COL5A2: variants seen among roughly 807,000 people sequenced by gnomAD.
The protein encoded by COL5A2 is collagen type V alpha 2 chain.
Under a neutral mutation model 208.2 loss-of-function variants are expected in COL5A2, and 23 were observed. The observed-to-expected ratio is 0.11, with a 90% CI of 0.08 to 0.16. The LOEUF is 0.16. Ranked by LOEUF, COL5A2 falls within the 10% of genes least tolerant of loss-of-function variation. COL5A2 has a pLI of 1.00. For synonymous variants in COL5A2, 625 were observed against 628.5 expected, an observed-to-expected ratio of 0.99 and a Z score of 0.08; for missense variants, 1,590 against 1,956.4, an observed-to-expected ratio of 0.81 and a Z score of 3.53.
At chr2:189,346,479 C>T in the COL5A2 span, among the ~76,000 whole-genome samples, 4 of 152,072 alleles carry the variant, frequency 2.6e-5, no homozygotes, top group East Asian at 1.9e-4. Context: ...CCATCAAAAT[C>T]GTCACATATA....
the COL5A2 span, among the ~76,000 whole-genome samples, chr2:189,352,231 T>C: frequency 6.6e-6 from 1 of 152,174 alleles, no homozygotes; most frequent in Non-Finnish European, 1.5e-5. Flanking sequence ...TTCCAAGTCT[T>C]TGCTATTGTC....
chr2:189,060,324 C>A (rs904332876), intron 31 of COL5A2, among the ~76,000 whole-genome samples: 4 of 152,074 alleles, frequency 2.6e-5, no homozygotes, highest in African/African-American at 9.7e-5. Flanking sequence ...TTTGTAGAGG[C>A]AAGCACACAG....
At chr2:189,045,103 A>T in intron 47 of COL5A2, 76 bp downstream of exon 47, 1 of 974,448 alleles carries the variant, frequency 1.0e-6, no homozygotes, top group Non-Finnish European at 1.5e-6. Context: ...TCAGTTATGA[A>T]TCTTAAATTA....
rs192213323 is a variant in COL5A2, at chr2:189,052,069, C to T, written c.2769+103G>A. ...GAATAAGAGTTGTTAAATAAGAAAA[C>T]ATACCATTAAGAAATTAAATAAAAT... On this transcript the variant is annotated intron_variant, in intron 41 of 53. Transcript: ENST00000374866. The T allele has an allele frequency of 7.2e-4, 677 of 934,772 alleles. 3 individuals are homozygous for T. The highest frequency in any genetic ancestry group is 6.2e-3 in the African/African-American group (364 of 59,168). The allele number at this position is 934,772 out of a possible 1,614,324, so 57.9% of individuals were successfully genotyped here.
Position 189,079,096 on chromosome 2 carries a change from G to C in COL5A2, c.972C>G (p.Gly324=), listed in dbSNP as rs745305971. The C allele has an allele frequency of 1.2e-6, 2 of 1,612,622 alleles. No homozygotes were observed. Among genetic ancestry groups the C allele is most frequent in the Non-Finnish European group, 1.7e-6 (2 of 1,178,940 alleles). ...VGAPGSKGEA[G]PTGPMGAMGP... The stretch of plus-strand genomic sequence containing the variant: ...CCATGGCACCCATTGGACCAGTGGG[G>C]CCAGCTTCACCCTAAAAAAAAATGA... Residue 324 remains glycine (G), a synonymous_variant, in exon 15 of 54, where the codon GGC becomes GGG. Coordinates refer to ENST00000374866, the MANE Select transcript of COL5A2 (RefSeq NM_000393.5).
At chr2:189,300,425 T>C in the COL5A2 span, among the ~76,000 whole-genome samples, 1 of 152,190 alleles carries the variant, frequency 6.6e-6, no homozygotes, top group African/African-American at 2.4e-5. Flanking sequence ...CTTCACTGTA[T>C]TTAAAAATAA....
the COL5A2 span, among the ~76,000 whole-genome samples, chr2:189,413,440 A>C: frequency 1.3e-5 from 2 of 152,174 alleles, no homozygotes; most frequent in African/African-American, 4.8e-5. Context: ...AAAATTAAAT[A>C]AGTATTAAAA....
the COL5A2 span, among the ~76,000 whole-genome samples, chr2:189,381,622 G>A: frequency 6.6e-6 from 1 of 151,988 alleles, no homozygotes; most frequent in South Asian, 2.1e-4. Flanking sequence ...AATCATGGAA[G>A]TATCACAAAA....
intron 12 of COL5A2, among the ~76,000 whole-genome samples, chr2:189,082,841 AAAAGGACATCT>A (rs1686565928): frequency 6.6e-6 from 1 of 152,210 alleles, no homozygotes; most frequent in Non-Finnish European, 1.5e-5. Context: ...GGATGGGTTG[AAAAGGACATCT>A]GTGCTAATGA....
At chr2:189,361,402 T>A in the COL5A2 span, among the ~76,000 whole-genome samples, 1 of 152,134 alleles carries the variant, frequency 6.6e-6, no homozygotes, top group Non-Finnish European at 1.5e-5. Flanking sequence ...TAAAAGCCTA[T>A]TTTATCTGAT....
intron 1 of COL5A2, among the ~76,000 whole-genome samples, chr2:189,191,140 T>TTAA (rs1553526724): frequency 3.4e-5 from 4 of 118,918 alleles, no homozygotes; most frequent in African/African-American, 1.2e-4. Context: ...AGGGAAACCA[T>TTAA]AAAAAAAAAA....
the COL5A2 span, among the ~76,000 whole-genome samples, chr2:189,260,396 G>C: frequency 7.9e-5 from 12 of 152,200 alleles, no homozygotes; most frequent in Admixed American, 2.0e-4. Flanking sequence ...ACTCATTCTA[G>C]AACTGGGAGG....
rs751457732 is a variant in COL5A2, at chr2:189,133,114, C to CTTTTTTTTTTTTTTTTTTTTTTTTTTTT, written c.98-22666_98-22665insAAAAAAAAAAAAAAAAAAAAAAAAAAAA. 3.2e-5 allele frequency: 2 copies of CTTTTTTTTTTTTTTTTTTTTTTTTTTTT among 63,428 alleles called. 1 individual carries two copies. Among genetic ancestry groups the CTTTTTTTTTTTTTTTTTTTTTTTTTTTT allele is most frequent in the African/African-American group, 1.0e-4 (2 of 19,612 alleles). 3.9% of individuals were successfully genotyped at this position (63,428 alleles called of 1,614,324 possible). On this transcript the variant is annotated intron_variant, in intron 1 of 53. Transcript: ENST00000374866. ...TCTCTACACTACTGCCCAAGTACGA[C>CTTTTTTTTTTTTTTTTTTTTTTTTTTTT]TTTTTTTTTTTTTTTTTTTTTTTTT...
Position 189,034,974 on chromosome 2 carries a change from T to G in COL5A2, c.4295A>C (p.Asp1432Ala). Reference protein sequence around the residue: ...AVVLKGANDLDIKAEGNIRFR... With the variant: ...AVVLKGANDLAIKAEGNIRFR... The stretch of plus-strand genomic sequence containing the variant: ...TCTAATATTTCCCTCTGCTTTGATA[T>G]CTAAGTCATTTGCCCCTTTGAGAAC... The change falls in exon 53 of 54, where the codon GAT (aspartate) becomes GCT (alanine). Residue 1432 changes from aspartate to alanine, a missense_variant. Coordinates refer to ENST00000374866, the MANE Select transcript of COL5A2 (RefSeq NM_000393.5). 1 of 1,613,960 alleles carries G rather than the reference T, an allele frequency of 6.2e-7. No individual in the cohort carries two copies. The highest frequency in any genetic ancestry group is 8.5e-7 in the Non-Finnish European group (1 of 1,179,874).
At chr2:189,324,734 T>C in the COL5A2 span, among the ~76,000 whole-genome samples, 1 of 152,206 alleles carries the variant, frequency 6.6e-6, no homozygotes, top group Non-Finnish European at 1.5e-5. Flanking sequence ...GTAAACTAGT[T>C]CAACCATTGT....
chr2:189,106,689 T>A (rs1294911679), intron 2 of COL5A2, among the ~76,000 whole-genome samples: 1 of 150,994 alleles, frequency 6.6e-6, no homozygotes, highest in African/African-American at 2.4e-5. Context: ...TTAGTAGGGA[T>A]GCTTTTAGTA....
the COL5A2 span, among the ~76,000 whole-genome samples, chr2:189,383,299 G>A: frequency 6.6e-6 from 1 of 152,116 alleles, no homozygotes; most frequent in African/African-American, 2.4e-5. Flanking sequence ...CCTTCTCACT[G>A]TGTTCTCACA....
At chr2:189,287,123 A>C in the COL5A2 span, among the ~76,000 whole-genome samples, 129,819 of 151,778 alleles carry the variant, frequency 0.86, 56,633 homozygotes, top group Non-Finnish European at 0.95. Context: ...CAGAACAAAT[A>C]TTGGTTCTGT....
At chr2:189,034,352 C>A (rs1314283352) in intron 53 of COL5A2, 136 bp from the exon 54 acceptor site, 6 of 925,646 alleles carry the variant, frequency 6.5e-6, no homozygotes, top group Admixed American at 4.3e-5. Flanking sequence ...GGAATGAAAA[C>A]ATAAAGTGAA....
Sources: gnomAD v4.1 joint callset for allele counts (sites outside exome capture counted in the v4.1 genomes callset) on GRCh38, gnomAD v4.1.1 for gene constraint, MANE v1.5 for transcripts, NCBI Gene and HGNC (gene_info 2026-07-23, HGNC 2026-07-21) for gene names.